TBC1D5: variants seen among roughly 807,000 people sequenced by gnomAD.
TBC1D5 encodes the protein TBC1 domain family, member 5.
A neutral mutation model predicts 100.3 loss-of-function variants in TBC1D5; 75 were observed. That is an observed-to-expected ratio of 0.75 (90% confidence interval 0.62 to 0.91). TBC1D5 has a LOEUF of 0.91. TBC1D5 is among the 40% of genes least tolerant of loss of function. The pLI, the probability that TBC1D5 is intolerant of heterozygous loss-of-function variation, is 0.00. For synonymous variants in TBC1D5, 323 were observed against 325.6 expected (o/e 0.99, Z 0.09); for missense variants, 910 against 942.4 (o/e 0.97, Z 0.45).
chr3:17,446,430 AAC>A (rs2094795791), intron 3 of TBC1D5, among the ~76,000 whole-genome samples: 3 of 152,168 alleles, frequency 2.0e-5, no homozygotes, highest in Admixed American at 2.0e-4. Flanking sequence ...TGGCTTACAC[AAC>A]TACATACATA....
intron 3 of TBC1D5, among the ~76,000 whole-genome samples, chr3:17,437,071 G>T (rs557685243): frequency 6.6e-6 from 1 of 152,254 alleles, no homozygotes; most frequent in African/African-American, 2.4e-5. Context: ...ATTAATGTTG[G>T]TTATAAAATA....
intron 1 of TBC1D5, among the ~76,000 whole-genome samples, chr3:17,671,970 A>G (rs1313480881): frequency 6.6e-6 from 1 of 152,180 alleles, no homozygotes; most frequent in Non-Finnish European, 1.5e-5. Context: ...CTTCTTTTTT[A>G]TTTCAAGAAG....
At chr3:17,647,492 A>C (rs2065117547) in intron 1 of TBC1D5, among the ~76,000 whole-genome samples, 1 of 105,942 alleles carries the variant, frequency 9.4e-6, no homozygotes, top group Non-Finnish European at 2.1e-5. Context: ...ACAAGGTGAC[A>C]CTTAAGAAAA....
At chr3:17,363,280 T>C (rs2091867870) in intron 13 of TBC1D5, among the ~76,000 whole-genome samples, 1 of 152,126 alleles carries the variant, frequency 6.6e-6, no homozygotes, top group African/African-American at 2.4e-5. Context: ...ACTTAGTATG[T>C]TTATATGCTT....
chr3:17,713,943 G>C (rs543401717), intron 1 of TBC1D5, among the ~76,000 whole-genome samples: 1 of 152,284 alleles, frequency 6.6e-6, no homozygotes, highest in African/African-American at 2.4e-5. Flanking sequence ...TCATGGAACA[G>C]TCGAAGTTGT....
At chr3:17,235,262 C>T (rs985703078) in intron 17 of TBC1D5, among the ~76,000 whole-genome samples, 1 of 152,222 alleles carries the variant, frequency 6.6e-6, no homozygotes, top group Non-Finnish European at 1.5e-5. Flanking sequence ...ACAAACACAA[C>T]TGTCCCCCTA....
chr3:17,283,453 A>G (rs1299026374), intron 15 of TBC1D5, among the ~76,000 whole-genome samples: 7 of 152,220 alleles, frequency 4.6e-5, no homozygotes, highest in Non-Finnish European at 1.5e-5. Flanking sequence ...AATGAAAGCA[A>G]AACTGACTGA....
rs550572467 is a variant in TBC1D5, at chr3:17,710,384, G to GT, written c.-101+28958dup. On this transcript the variant is annotated intron_variant, in intron 1 of 21. Coordinates refer to ENST00000253692, the Ensembl canonical transcript of TBC1D5. ...GTTCAAGACCAGCCTGACCAACATG[G>GT]TGAAACCCCATGTCTACTAAAAATA... Among the ~76,000 whole-genome samples the GT allele has an allele frequency of 1.1e-3, 162 of 152,148 alleles. 1 individual carries two copies. The highest frequency in any genetic ancestry group is 3.8e-3 in the African/African-American group (157 of 41,506).
At chr3:17,597,879 C>T (rs1388798163) in intron 2 of TBC1D5, among the ~76,000 whole-genome samples, 3 of 152,148 alleles carry the variant, frequency 2.0e-5, no homozygotes, top group East Asian at 3.9e-4. Flanking sequence ...TGTATCTTCC[C>T]GTATTACTCC....
intron 1 of TBC1D5, among the ~76,000 whole-genome samples, chr3:17,663,389 T>C (rs1165150358): frequency 6.6e-6 from 1 of 151,788 alleles, no homozygotes; most frequent in Non-Finnish European, 1.5e-5. Context: ...AAGACTGATC[T>C]TAATATATAA....
intron 1 of TBC1D5, among the ~76,000 whole-genome samples, chr3:17,643,836 A>G (rs1282319965): frequency 6.6e-6 from 1 of 152,098 alleles, no homozygotes; most frequent in Non-Finnish European, 1.5e-5. Context: ...TATTGCAAGT[A>G]ATGCATCACG....
intron 3 of TBC1D5, among the ~76,000 whole-genome samples, chr3:17,488,904 C>G (rs2095603382): frequency 6.7e-6 from 1 of 150,024 alleles, no homozygotes; most frequent in Non-Finnish European, 1.5e-5. Context: ...AGCACAAACT[C>G]TATCGTGAAC....
intron 2 of TBC1D5, among the ~76,000 whole-genome samples, chr3:17,542,180 C>G (rs997676741): frequency 6.6e-6 from 1 of 152,092 alleles, no homozygotes; most frequent in African/African-American, 2.4e-5. Context: ...GTCTCAGCTA[C>G]TTGGGAAGCT....
intron 1 of TBC1D5, among the ~76,000 whole-genome samples, chr3:17,656,266 G>C (rs2066051917): frequency 6.6e-6 from 1 of 152,208 alleles, no homozygotes; most frequent in African/African-American, 2.4e-5. Flanking sequence ...AGGGTCATCA[G>C]TAAACCAGAA....
At chr3:17,232,691 C>T (rs1044595467) in intron 17 of TBC1D5, among the ~76,000 whole-genome samples, 7 of 152,064 alleles carry the variant, frequency 4.6e-5, no homozygotes, top group African/African-American at 1.7e-4. Flanking sequence ...TCTATTGCCA[C>T]AATGTGGTGG....
At chr3:17,633,290 T>C (rs1473354934) in intron 1 of TBC1D5, among the ~76,000 whole-genome samples, 2 of 151,902 alleles carry the variant, frequency 1.3e-5, no homozygotes, top group African/African-American at 2.4e-5. Flanking sequence ...ATACAAAAAT[T>C]AGCCAGGTGT....
At chr3:17,161,326 G>T (rs975490759) in intron 21 of TBC1D5, 70 bp from the exon 23 acceptor site, 1 of 1,500,128 alleles carries the variant, frequency 6.7e-7, no homozygotes, top group Non-Finnish European at 8.9e-7. Context: ...GGAAGGCCCT[G>T]TGAACTGGGG....
chr3:17,476,580 C>T (rs2095440782), intron 3 of TBC1D5, among the ~76,000 whole-genome samples: 1 of 151,608 alleles, frequency 6.6e-6, no homozygotes, highest in Non-Finnish European at 1.5e-5. Flanking sequence ...ACTATTGTAC[C>T]TTTTTTCTAT....
chr3:17,653,100 C>T (rs1287895674), intron 1 of TBC1D5, among the ~76,000 whole-genome samples: 1 of 152,090 alleles, frequency 6.6e-6, no homozygotes, highest in African/African-American at 2.4e-5. Flanking sequence ...TATTATTCCA[C>T]TTACATGAAA....
Sources: gnomAD v4.1 joint callset for allele counts (sites outside exome capture counted in the v4.1 genomes callset) on GRCh38, gnomAD v4.1.1 for gene constraint, MANE v1.5 for transcripts, NCBI Gene and HGNC (gene_info 2026-07-23, HGNC 2026-07-21) for gene names.